Variants in CLDN10 observed in about 807,000 individuals in gnomAD.
CLDN10 encodes the protein claudin-10.
In CLDN10, 15 loss-of-function variants were observed where a neutral mutation model predicts 22.9. The ratio of observed to expected loss-of-function variants is 0.65; its 90% CI spans 0.44 to 1.01. CLDN10 has a LOEUF of 1.01. CLDN10 is among the 50% of genes least tolerant of loss of function. The pLI is 0.00. For synonymous variants in CLDN10, 114 were observed against 111.4 expected (o/e 1.02, Z -0.15); for missense variants, 247 against 287.8 (o/e 0.86, Z 1.03).
chr13:95,500,313 T>C (rs2042972098), intron 1 of CLDN10, among the ~76,000 whole-genome samples: 1 of 152,136 alleles, frequency 6.6e-6, no homozygotes, highest in African/African-American at 2.4e-5. Context: ...AATGGGAAGT[T>C]AGGGAAAGCA....
chr13:95,471,564 T>C (rs1691834786), intron 1 of CLDN10, among the ~76,000 whole-genome samples: 2 of 151,270 alleles, frequency 1.3e-5, no homozygotes, highest in Admixed American at 1.3e-4. Context: ...GTGATTCTCC[T>C]GCCTCAGCCT....
chr13:95,493,029 C>T (rs1056308736), intron 1 of CLDN10, among the ~76,000 whole-genome samples: 3 of 152,188 alleles, frequency 2.0e-5, no homozygotes, highest in African/African-American at 7.2e-5. Context: ...TGGGGTGTCT[C>T]CTGTGTCCTG....
chr13:95,433,828 C>T (rs376321996), exon 1 of CLDN10: 2 of 1,613,602 alleles, frequency 1.2e-6, no homozygotes, highest in Non-Finnish European at 8.5e-7. Context: ...GAGAAGGCGG[C>T]GCGACATGTC....
chr13:95,471,376 A>G (rs1337925831), intron 1 of CLDN10, among the ~76,000 whole-genome samples: 39 of 116,998 alleles, frequency 3.3e-4, no homozygotes, highest in East Asian at 1.9e-3. Context: ...GTGTGTGTAT[A>G]TATATAACAT....
chr13:95,529,296 T>C (rs909780219), intron 1 of CLDN10, among the ~76,000 whole-genome samples: 2 of 152,192 alleles, frequency 1.3e-5, no homozygotes, highest in Non-Finnish European at 2.9e-5. Context: ...GTGCTTTCTT[T>C]TCCTTTGATT....
At chr13:95,446,168 A>G (rs1191392526) in intron 1 of CLDN10, among the ~76,000 whole-genome samples, 1 of 152,188 alleles carries the variant, frequency 6.6e-6, no homozygotes, top group Non-Finnish European at 1.5e-5. Context: ...GCTGTCTCAC[A>G]GAGACCTGGC....
intron 1 of CLDN10, among the ~76,000 whole-genome samples, chr13:95,507,166 G>A (rs934836831): frequency 2.6e-5 from 4 of 152,148 alleles, no homozygotes; most frequent in African/African-American, 9.7e-5. Flanking sequence ...TCCTTTGATC[G>A]ATTTGTGAAT....
At chr13:95,520,911 G>A (rs867266517) in intron 1 of CLDN10, among the ~76,000 whole-genome samples, 29 of 150,882 alleles carry the variant, frequency 1.9e-4, no homozygotes, top group African/African-American at 6.8e-4. Context: ...ACTGCAGTGA[G>A]CCGAGATCAC....
At chr13:95,480,692 C>A (rs967796391) in intron 1 of CLDN10, among the ~76,000 whole-genome samples, 1 of 152,166 alleles carries the variant, frequency 6.6e-6, no homozygotes, top group African/African-American at 2.4e-5. Flanking sequence ...TAATCAAAAA[C>A]GGGACCCAGG....
chr13:95,509,628 T>C (rs2043074726), intron 1 of CLDN10, among the ~76,000 whole-genome samples: 1 of 152,210 alleles, frequency 6.6e-6, no homozygotes, highest in East Asian at 1.9e-4. Flanking sequence ...TATAAGCAGA[T>C]TTTTAACATC....
At chr13:95,478,396 G>T (rs1339030574) in intron 1 of CLDN10, among the ~76,000 whole-genome samples, 8 of 152,190 alleles carry the variant, frequency 5.3e-5, no homozygotes, top group Admixed American at 5.2e-4. Flanking sequence ...TTGAGATAAG[G>T]CCAGGATGTA....
intron 1 of CLDN10, among the ~76,000 whole-genome samples, chr13:95,532,949 G>C (rs1421264444): frequency 1.3e-5 from 2 of 151,988 alleles, no homozygotes; most frequent in African/African-American, 4.8e-5. Context: ...CTAGTCTACT[G>C]TGGAAAACAC....
intron 1 of CLDN10, among the ~76,000 whole-genome samples, chr13:95,437,474 G>A (rs1030255580): frequency 6.6e-6 from 1 of 152,144 alleles, no homozygotes; most frequent in Non-Finnish European, 1.5e-5. Context: ...CTCATCGTAG[G>A]GAGAAAAGCA....
intron 1 of CLDN10, among the ~76,000 whole-genome samples, chr13:95,532,136 T>C (rs1017839687): frequency 2.0e-5 from 3 of 152,178 alleles, no homozygotes; most frequent in Admixed American, 2.0e-4. Flanking sequence ...AAAAAAGCAA[T>C]AACCATAAGA....
chr13:95,575,624 G>A (rs535735126), intron 3 of CLDN10, among the ~76,000 whole-genome samples: 35 of 130,158 alleles, frequency 2.7e-4, no homozygotes, highest in Admixed American at 1.9e-3. Flanking sequence ...GTTTTTCCTC[G>A]CTTATACAAA....
At chr13:95,569,347 G>T (rs2043824959) in intron 3 of CLDN10, among the ~76,000 whole-genome samples, 1 of 152,148 alleles carries the variant, frequency 6.6e-6, no homozygotes. Context: ...ACTTTGGGAG[G>T]CCAACGTGGG....
intron 1 of CLDN10, among the ~76,000 whole-genome samples, chr13:95,446,852 AG>A (rs1241258022): frequency 1.3e-5 from 2 of 152,190 alleles, no homozygotes; most frequent in Admixed American, 1.3e-4. Flanking sequence ...AAAAAAAAAA[AG>A]AATTAATATA....
In CLDN10 at chr13:95,554,876, C is replaced by T. The variant is rs113371369; in HGVS notation, c.220+1903C>T. Among the ~76,000 whole-genome samples, 1,102 of 152,208 alleles carry T rather than the reference C, an allele frequency of 7.2e-3. 9 individuals are homozygous for T. The highest frequency in any genetic ancestry group is 0.012 in the Non-Finnish European group (842 of 68,016). ...TTTACTGAAAATCTTATATTCACCT[C>T]TTTGTATGTGTGTGTATTTCTGTAG... On this transcript the variant is annotated intron_variant, in intron 1 of 4. Transcript: ENST00000299339.
At chr13:95,469,303 C>A (rs561144154) in intron 1 of CLDN10, among the ~76,000 whole-genome samples, 2 of 152,138 alleles carry the variant, frequency 1.3e-5, no homozygotes, top group South Asian at 2.1e-4. Flanking sequence ...ATGTAGCCAA[C>A]TATTAACCTA....
Sources: gnomAD v4.1 joint callset for allele counts (sites outside exome capture counted in the v4.1 genomes callset) on GRCh38, gnomAD v4.1.1 for gene constraint, MANE v1.5 for transcripts, NCBI Gene and HGNC (gene_info 2026-07-23, HGNC 2026-07-21) for gene names.